CDH13: variants seen among roughly 807,000 people sequenced by gnomAD.
CDH13 encodes cadherin 13.
Under a neutral mutation model 63.8 loss-of-function variants are expected in CDH13, and 24 were observed. The ratio of observed to expected loss-of-function variants is 0.38; its 90% CI spans 0.27 to 0.53. The LOEUF (loss-of-function observed/expected upper bound fraction) is 0.53. Among genes scored for constraint, CDH13 ranks in the 20% least tolerant of loss-of-function variants. The pLI is 0.85. For missense variants in CDH13, 1,049 were observed against 903.1 expected, an observed-to-expected ratio of 1.16 and a Z score of -2.07; for synonymous variants, 503 against 355.3, an observed-to-expected ratio of 1.42 and a Z score of -4.67.
chr16:83,024,196 GTTTTAGTGGATACAAGGACAAACTT>G (rs1298914160), intron 2 of CDH13, among the ~76,000 whole-genome samples: 4 of 152,122 alleles, frequency 2.6e-5, no homozygotes, highest in Non-Finnish European at 5.9e-5. Flanking sequence ...CACTGTGGAG[GTTTTAGTGGATACAAGGACAAACTT>G]TTTTAGTGGA....
rs2074062091 is a variant in CDH13 at position 83,493,338 on chromosome 16, G to A, written c.960+6683G>A. Among the ~76,000 whole-genome samples the A allele has an allele frequency of 3.3e-5, 5 of 152,304 alleles. No individual in the cohort carries two copies. The South Asian group carries it at 1.0e-3, about 32-fold the overall frequency. On this transcript the variant is annotated intron_variant, in intron 7 of 13. Coordinates refer to ENST00000567109, the MANE Select transcript of CDH13 (RefSeq NM_001257.5). ...TTCTTTAAATTGAATGAAAGACAGA[G>A]CTAATCCAGCCTACAAAATTCAGCA...
chr16:83,075,446 G>A (rs1015777261), intron 3 of CDH13, among the ~76,000 whole-genome samples: 4 of 152,294 alleles, frequency 2.6e-5, no homozygotes, highest in African/African-American at 7.2e-5. Context: ...TAACCTTGGG[G>A]TGAAGGACAA....
chr16:82,692,176 A>T (rs1191167679), intron 1 of CDH13, among the ~76,000 whole-genome samples: 1 of 152,228 alleles, frequency 6.6e-6, no homozygotes, highest in African/African-American at 2.4e-5. Flanking sequence ...AAGCTGCAGG[A>T]AGAAATAGGC....
At chr16:83,331,087 A>T (rs1163820507) in intron 5 of CDH13, among the ~76,000 whole-genome samples, 1 of 152,212 alleles carries the variant, frequency 6.6e-6, no homozygotes, top group Non-Finnish European at 1.5e-5. Flanking sequence ...AGATTCTGAG[A>T]AGGTGACTGA....
intron 2 of CDH13, among the ~76,000 whole-genome samples, chr16:82,919,804 C>G (rs562334140): frequency 2.0e-4 from 30 of 152,332 alleles, no homozygotes; most frequent in African/African-American, 5.8e-4. Context: ...CCATGCATCT[C>G]TGTTCATTCA....
chr16:82,721,812 G>A (rs1049856518), intron 1 of CDH13, among the ~76,000 whole-genome samples: 1 of 152,192 alleles, frequency 6.6e-6, no homozygotes, highest in Non-Finnish European at 1.5e-5. Flanking sequence ...TCTGGTCACT[G>A]TGATGGAGCA....
chr16:83,196,410 A>G (rs1240938918), intron 4 of CDH13, among the ~76,000 whole-genome samples: 2 of 152,220 alleles, frequency 1.3e-5, no homozygotes, highest in South Asian at 2.1e-4. Flanking sequence ...ACAGGTGTGA[A>G]CCCTAAAATG....
intron 11 of CDH13, among the ~76,000 whole-genome samples, chr16:83,761,430 G>T (rs144388169): frequency 5.1e-4 from 77 of 152,284 alleles, no homozygotes; most frequent in African/African-American, 1.7e-3. Flanking sequence ...GGTGAATTGG[G>T]CAACCTCTCA....
rs531938106 is a variant in CDH13 at position 83,145,038 on chromosome 16, C to T, written c.483+19537C>T. On this transcript the variant is annotated intron_variant, in intron 4 of 13. Coordinates refer to ENST00000567109, the MANE Select transcript of CDH13 (RefSeq NM_001257.5). ...TGGAGACGCCGTGGCTATGTTGCCACTTGCCCTTGCAGACACAAGTACGGG... is the reference window on the plus strand; with the variant it reads ...TGGAGACGCCGTGGCTATGTTGCCATTTGCCCTTGCAGACACAAGTACGGG... 5.3e-5 allele frequency among the ~76,000 whole-genome samples: 8 copies of T among 149,960 alleles called. No homozygotes were observed. In the East Asian group the frequency reaches 1.6e-3, roughly 29 times the overall value.
intron 10 of CDH13, among the ~76,000 whole-genome samples, chr16:83,690,695 T>C (rs547591804): frequency 8.5e-4 from 130 of 152,220 alleles, no homozygotes; most frequent in Non-Finnish European, 3.7e-4. Context: ...GTGCAGGCAG[T>C]GAGAAGCTGC....
chr16:83,643,848 G>C (rs757010046), intron 8 of CDH13, among the ~76,000 whole-genome samples: 4 of 152,136 alleles, frequency 2.6e-5, no homozygotes, highest in African/African-American at 9.7e-5. Context: ...AGCCCCCCAA[G>C]TTTCCTGTCC....
intron 11 of CDH13, among the ~76,000 whole-genome samples, chr16:83,753,065 C>T (rs1396896135): frequency 1.3e-5 from 2 of 152,194 alleles, no homozygotes; most frequent in Non-Finnish European, 2.9e-5. Context: ...TTGGCATTAA[C>T]ATACAAAACC....
intron 2 of CDH13, among the ~76,000 whole-genome samples, chr16:82,949,705 C>G (rs1905098151): frequency 6.6e-6 from 1 of 151,978 alleles, no homozygotes; most frequent in Non-Finnish European, 1.5e-5. Flanking sequence ...AATTGTTTTT[C>G]TCAACACATT....
At chr16:83,201,455 A>C (rs746765820) in intron 4 of CDH13, among the ~76,000 whole-genome samples, 22 of 151,726 alleles carry the variant, frequency 1.4e-4, no homozygotes, top group Non-Finnish European at 2.2e-4. Context: ...GTATAAATTG[A>C]GATTTCTGTA....
At chr16:83,616,414 C>A (rs1909287132) in intron 8 of CDH13, among the ~76,000 whole-genome samples, 1 of 152,086 alleles carries the variant, frequency 6.6e-6, no homozygotes, top group African/African-American at 2.4e-5. Context: ...GAATTCCGTG[C>A]CTTTGCTAAA....
chr16:83,337,191 G>A (rs906155973), intron 5 of CDH13, among the ~76,000 whole-genome samples: 1 of 152,148 alleles, frequency 6.6e-6, no homozygotes, highest in African/African-American at 2.4e-5. Flanking sequence ...TTTGCGTACT[G>A]TGACTTGATG....
At chr16:83,351,121 C>G (rs879867277) in intron 6 of CDH13, among the ~76,000 whole-genome samples, 12 of 152,112 alleles carry the variant, frequency 7.9e-5, no homozygotes, top group Admixed American at 7.9e-4. Flanking sequence ...TTTCTGGTTA[C>G]TTTTTACTTG....
intron 7 of CDH13, among the ~76,000 whole-genome samples, chr16:83,578,728 C>T (rs1421315133): frequency 6.6e-6 from 1 of 152,198 alleles, no homozygotes. Flanking sequence ...TACAGATTGG[C>T]ACAATTCAGA....
chr16:82,832,470 T>C (rs144907398), intron 1 of CDH13, among the ~76,000 whole-genome samples: 1 of 152,116 alleles, frequency 6.6e-6, no homozygotes, highest in Non-Finnish European at 1.5e-5. Context: ...ATCCTCCTTA[T>C]TGTGTTGCTC....
Sources: allele counts gnomAD v4.1 joint callset (sites outside exome capture counted in the v4.1 genomes callset), GRCh38; gene constraint gnomAD v4.1.1; transcripts MANE v1.5; gene names NCBI Gene and HGNC (gene_info 2026-07-23, HGNC 2026-07-21).